Variants in GMEB1 observed in about 807,000 individuals in gnomAD.
GMEB1 encodes glucocorticoid modulatory element-binding protein 1.
GMEB1 carries 6 observed loss-of-function variants against 52.4 expected under a neutral mutation model. The observed-to-expected ratio is 0.11, with a 90% confidence interval of 0.06 to 0.23. GMEB1 has a LOEUF of 0.23. GMEB1 is among the 10% of genes least tolerant of loss of function. The pLI, the probability that GMEB1 is intolerant of heterozygous loss-of-function variation, is 1.00. For synonymous variants in GMEB1, 255 were observed against 244.9 expected (o/e 1.04, Z -0.38); for missense variants, 486 against 685.6 (o/e 0.71, Z 3.25).
At chr1:28,670,913 A>G (rs1031330139) in intron 1 of GMEB1, among the ~76,000 whole-genome samples, 28 of 152,090 alleles carry the variant, frequency 1.8e-4, no homozygotes, top group African/African-American at 6.5e-4. Flanking sequence ...GCTTCTACTC[A>G]GCTTCATTGG....
chr1:28,714,128 A>G lies in GMEB1; in HGVS notation c.1047A>G (p.Lys349=). 6.2e-7 allele frequency: 1 copy of G among 1,614,116 alleles called. No individual in the cohort carries two copies. Among genetic ancestry groups the G allele is most frequent in the Non-Finnish European group, 8.5e-7 (1 of 1,179,994 alleles). The change falls in exon 10 of 10, where the codon AAA becomes AAG. Residue 349 remains lysine, a synonymous_variant. Coordinates refer to ENST00000373816, the MANE Select transcript of GMEB1 (RefSeq NM_001319674.2). Reference sequence around the variant, plus strand: ...AGCAAGGCCAGGATCACAGGCTGAAATCTCAGACAGTTCAAAATGTGGTAC... The same window carrying G: ...AGCAAGGCCAGGATCACAGGCTGAAGTCTCAGACAGTTCAAAATGTGGTAC... ...QKKQGQDHRL[K]SQTVQNVVLM... is the part of the protein sequence containing the mutation.
chr1:28,704,245 G>A lies in GMEB1; in HGVS notation c.784G>A (p.Val262Ile), dbSNP rs1557518275. 14 of 1,613,564 alleles carry A rather than the reference G, an allele frequency of 8.7e-6. No homozygotes were observed. Among genetic ancestry groups the A allele is most frequent in the Non-Finnish European group, 1.1e-5 (13 of 1,179,784 alleles). The change falls in exon 8 of 10, where the codon GTT becomes ATT. Residue 262 changes from valine to isoleucine, a missense_variant. Around this residue, in one of 5 missense-constraint regions of GMEB1, gnomAD observed 200 missense variants for 253.5 expected, o/e 0.79. Transcript: ENST00000373816. The part of the protein sequence containing the change: ...GIADVGLMEE[V>I]VCNIQKEIEE... ...AGCTGATGTAGGGCTGATGGAAGAGGTTGTCTGCAATATACAGAAGGAAAT... is the reference window on the plus strand; with the variant it reads ...AGCTGATGTAGGGCTGATGGAAGAGATTGTCTGCAATATACAGAAGGAAAT...
chr1:28,673,997 AT>A (rs1669019839), intron 1 of GMEB1, among the ~76,000 whole-genome samples: 1 of 151,910 alleles, frequency 6.6e-6, no homozygotes, highest in Admixed American at 6.6e-5. Context: ...AATACAAAAA[AT>A]TAGCCAGGCA....
rs991117315 is a variant in GMEB1, at chr1:28,682,999, A to G, written c.-30-584A>G. ...AAGTTGGAAGAGATATGTGTGCACA[A>G]TGGGTTCTCAGGAGCTGTTAGAGCT... On this transcript the variant is annotated intron_variant, in intron 1 of 9. Coordinates refer to ENST00000373816, the MANE Select transcript of GMEB1 (RefSeq NM_001319674.2). Among the ~76,000 whole-genome samples, 6 of 152,132 alleles carry G rather than the reference A, an allele frequency of 3.9e-5. No individual in the cohort carries two copies. In the South Asian group the frequency reaches 6.2e-4, roughly 16 times the overall value.
chr1:28,698,968 A>G (rs1439395460), intron 6 of GMEB1, among the ~76,000 whole-genome samples: 2 of 152,202 alleles, frequency 1.3e-5, no homozygotes, highest in African/African-American at 4.8e-5. Context: ...GTAACAGAGC[A>G]AGACTCTGTC....
At chr1:28,673,547 G>A (rs184046721) in intron 1 of GMEB1, among the ~76,000 whole-genome samples, 2 of 152,160 alleles carry the variant, frequency 1.3e-5, no homozygotes, top group South Asian at 2.1e-4. Flanking sequence ...GAGCCACTGC[G>A]TGCAGCCTGA....
chr1:28,670,742 G>T (rs1001628853), intron 1 of GMEB1, among the ~76,000 whole-genome samples: 11 of 152,136 alleles, frequency 7.2e-5, no homozygotes, highest in African/African-American at 2.7e-4. Context: ...TAAAGTGCTG[G>T]TATTACAGGC....
chr1:28,696,217 C>T (rs955649112), intron 5 of GMEB1, among the ~76,000 whole-genome samples: 12 of 151,914 alleles, frequency 7.9e-5, no homozygotes, highest in African/African-American at 2.7e-4. Flanking sequence ...CAGGCCTCAG[C>T]TACCATGCCT....
chr1:28,670,718 C>G (rs1355599728), intron 1 of GMEB1, among the ~76,000 whole-genome samples: 1 of 152,078 alleles, frequency 6.6e-6, no homozygotes, highest in African/African-American at 2.4e-5. Context: ...TGTGATTCGC[C>G]CGCGTTGGCC....
At chr1:28,675,523 TAAAA>T (rs1669110625) in intron 1 of GMEB1, among the ~76,000 whole-genome samples, 1 of 150,920 alleles carries the variant, frequency 6.6e-6, no homozygotes, top group Admixed American at 6.6e-5. Flanking sequence ...CTACTAAAAA[TAAAA>T]AAAGCCGAGC....
intron 2 of GMEB1, among the ~76,000 whole-genome samples, chr1:28,689,080 G>A (rs1669831861): frequency 6.6e-6 from 1 of 151,820 alleles, no homozygotes; most frequent in Non-Finnish European, 1.5e-5. Context: ...AGTAGAGACG[G>A]GGTTTCACCA....
At chr1:28,684,719 A>G (rs939709630) in intron 2 of GMEB1, among the ~76,000 whole-genome samples, 3 of 152,058 alleles carry the variant, frequency 2.0e-5, no homozygotes, top group Non-Finnish European at 2.9e-5. Context: ...GAGGGGAACA[A>G]CACACACTGG....
chr1:28,706,025 A>C (rs1450162369), intron 8 of GMEB1, among the ~76,000 whole-genome samples: 3 of 151,580 alleles, frequency 2.0e-5, no homozygotes, highest in Non-Finnish European at 4.4e-5. Flanking sequence ...GCGGTGGCGG[A>C]CGCCTGTAGT....
intron 3 of GMEB1, among the ~76,000 whole-genome samples, 198 bp downstream of exon 3, chr1:28,690,384 CAGTT>C (rs1008364871): frequency 9.2e-5 from 14 of 151,904 alleles, no homozygotes; most frequent in South Asian, 6.2e-4. Context: ...CTAGGGTCGT[CAGTT>C]GGTTGGTTAA....
chr1:28,695,657 G>T (rs544119360), intron 5 of GMEB1, among the ~76,000 whole-genome samples: 1 of 149,040 alleles, frequency 6.7e-6, no homozygotes, highest in Non-Finnish European at 1.5e-5. Flanking sequence ...AAATTTTTTC[G>T]GCCGGGCGCG....
intron 1 of GMEB1, among the ~76,000 whole-genome samples, chr1:28,678,464 C>T (rs1476850814): frequency 4.6e-5 from 7 of 151,964 alleles, no homozygotes; most frequent in South Asian, 2.1e-4. Context: ...GGCCCGCCAT[C>T]GCGCCTGGCT....
At chr1:28,688,317 A>G (rs1027382545) in intron 2 of GMEB1, among the ~76,000 whole-genome samples, 1 of 152,180 alleles carries the variant, frequency 6.6e-6, no homozygotes, top group Non-Finnish European at 1.5e-5. Context: ...GTATTTATTC[A>G]TTTAGCAGTT....
rs189314206 is a variant in GMEB1, at chr1:28,703,747, T to C, written c.731-445T>C. On this transcript the variant is annotated intron_variant, in intron 7 of 9. Transcript: ENST00000373816. ...GCTTATAGCCCCATCTATCCAACTG[T>C]TTTGTTTTGTTTTCTTAAGTATAGG... Among the ~76,000 whole-genome samples the C allele has an allele frequency of 3.9e-5, 6 of 152,166 alleles. No homozygotes were observed. The East Asian group carries it at 1.2e-3, about 29-fold the overall frequency.
intron 7 of GMEB1, 145 bp from the exon 8 acceptor site, chr1:28,704,047 C>G: frequency 1.4e-6 from 1 of 719,884 alleles, no homozygotes; most frequent in East Asian, 3.0e-5. Flanking sequence ...ATCTAGTATT[C>G]CAAAGCTTAT....
Sources: gnomAD v4.1 joint callset for allele counts (sites outside exome capture counted in the v4.1 genomes callset) on GRCh38, gnomAD v4.1.1 for gene constraint, gnomAD v4.1.1 regional missense constraint, MANE v1.5 for transcripts, NCBI Gene and HGNC (gene_info 2026-07-23, HGNC 2026-07-21) for gene names.